Variants in NTM observed in about 807,000 individuals in gnomAD.
The protein encoded by NTM is neurotrimin.
Under a neutral mutation model 42.1 loss-of-function variants are expected in NTM, and 13 were observed. That is an observed-to-expected ratio of 0.31 (90% confidence interval 0.20 to 0.49). NTM has a LOEUF of 0.49. NTM is among the 20% of genes least tolerant of loss of function. The pLI is 0.99. For missense variants in NTM, 373 were observed against 452.8 expected, an observed-to-expected ratio of 0.82 and a Z score of 1.60; for synonymous variants, 187 against 179.2, an observed-to-expected ratio of 1.04 and a Z score of -0.35.
intron 3 of NTM, among the ~76,000 whole-genome samples, chr11:132,147,207 G>A (rs1443068501): frequency 7.0e-6 from 1 of 143,692 alleles, no homozygotes; most frequent in Non-Finnish European, 1.5e-5. Context: ...GTGTGTGTGT[G>A]TGTGTGTGAG....
intron 2 of NTM, among the ~76,000 whole-genome samples, chr11:132,068,043 T>C (rs1038507234): frequency 3.3e-5 from 5 of 152,190 alleles, no homozygotes; most frequent in African/African-American, 1.2e-4. Flanking sequence ...GATAATCTCA[T>C]CTTTCTTTCT....
chr11:131,916,470 C>T (rs781283342), intron 2 of NTM, among the ~76,000 whole-genome samples: 8 of 152,084 alleles, frequency 5.3e-5, no homozygotes, highest in African/African-American at 9.7e-5. Flanking sequence ...TTGTTTTTCC[C>T]GGGTGAGTTA....
chr11:132,210,496 C>A (rs1353239341), intron 3 of NTM, among the ~76,000 whole-genome samples: 1 of 152,130 alleles, frequency 6.6e-6, no homozygotes, highest in Admixed American at 6.5e-5. Context: ...AGCTCATGGC[C>A]TAGTGGGTGA....
intron 1 of NTM, among the ~76,000 whole-genome samples, chr11:131,598,875 T>C (rs367790738): frequency 0.026 from 897 of 34,836 alleles, 62 homozygotes; most frequent in South Asian, 0.059. Context: ...CTTCCTTCCT[T>C]CTTCCTTCCT....
intron 2 of NTM, among the ~76,000 whole-genome samples, chr11:131,991,269 G>T (rs529364060): frequency 2.0e-5 from 3 of 152,162 alleles, no homozygotes. Context: ...CCATAACCAT[G>T]CATCTCTTGC....
intron 1 of NTM, among the ~76,000 whole-genome samples, chr11:131,872,997 C>T (rs528019278): frequency 7.9e-5 from 12 of 152,158 alleles, no homozygotes; most frequent in Non-Finnish European, 1.6e-4. Flanking sequence ...CACATCCTCT[C>T]CAGCACCTGT....
intron 1 of NTM, among the ~76,000 whole-genome samples, chr11:131,883,527 A>G (rs930370548): frequency 6.6e-6 from 1 of 152,178 alleles, no homozygotes. Flanking sequence ...CCAGGTATAT[A>G]GCGCCATCAC....
chr11:131,562,431 T>TG (rs2056355327), intron 1 of NTM, among the ~76,000 whole-genome samples: 1 of 152,020 alleles, frequency 6.6e-6, no homozygotes, highest in African/African-American at 2.4e-5. Context: ...GGGGAGAGGG[T>TG]GGGGAATTCG....
At chr11:132,137,787 A>T (rs1267295192) in intron 2 of NTM, among the ~76,000 whole-genome samples, 1 of 151,224 alleles carries the variant, frequency 6.6e-6, no homozygotes, top group Non-Finnish European at 1.5e-5. Context: ...CCCAACCCCG[A>T]CTCCTGCCAC....
chr11:131,900,499 G>A (rs146836396), intron 1 of NTM, among the ~76,000 whole-genome samples: 7 of 152,322 alleles, frequency 4.6e-5, no homozygotes, highest in African/African-American at 1.7e-4. Flanking sequence ...AGCAGAAGGA[G>A]GACATCCACG....
intron 4 of NTM, among the ~76,000 whole-genome samples, chr11:132,296,159 G>T (rs1401075305): frequency 6.6e-6 from 1 of 152,180 alleles, no homozygotes; most frequent in Non-Finnish European, 1.5e-5. Flanking sequence ...AATTCAGCCT[G>T]CGGTGTCTGG....
intron 1 of NTM, among the ~76,000 whole-genome samples, chr11:131,375,458 G>A (rs1941834542): frequency 1.3e-5 from 2 of 152,234 alleles, no homozygotes; most frequent in Admixed American, 6.5e-5. Flanking sequence ...CAGTTTGGAA[G>A]GGTCAAAGGG....
intron 2 of NTM, among the ~76,000 whole-genome samples, chr11:132,096,018 C>G (rs970324425): frequency 2.0e-5 from 3 of 152,178 alleles, no homozygotes; most frequent in African/African-American, 7.2e-5. Flanking sequence ...TCTATCCCAA[C>G]CCCTCTGCCC....
rs547739735 is a variant in NTM at position 131,914,062 on chromosome 11, G to T, written c.167+2414G>T. Among the ~76,000 whole-genome samples the T allele has an allele frequency of 1.4e-4, 21 of 152,278 alleles. No individual in the cohort carries two copies. In the South Asian group the frequency reaches 4.4e-3, roughly 32 times the overall value. Reference sequence around the variant, plus strand: ...TGCCCTGCTGGGATGGACTTTGGTGGGGTGGAAGCCCCTGAACTCTCAAAC... The same window carrying T: ...TGCCCTGCTGGGATGGACTTTGGTGTGGTGGAAGCCCCTGAACTCTCAAAC... On this transcript the variant is annotated intron_variant, in intron 2 of 8. Coordinates refer to ENST00000683400, the MANE Select transcript of NTM (RefSeq NM_001352005.2).
chr11:132,024,334 G>A (rs2074850119), intron 2 of NTM, among the ~76,000 whole-genome samples: 1 of 152,122 alleles, frequency 6.6e-6, no homozygotes, highest in South Asian at 2.1e-4. Flanking sequence ...AGTATCTGAG[G>A]GGCACTGGTT....
intron 1 of NTM, among the ~76,000 whole-genome samples, chr11:131,705,216 A>G (rs1457511969): frequency 6.6e-6 from 1 of 152,242 alleles, no homozygotes; most frequent in African/African-American, 2.4e-5. Flanking sequence ...AGAAAATTTC[A>G]GAAGCAGTAA....
chr11:132,132,549 AT>A (rs2067013999), intron 2 of NTM, among the ~76,000 whole-genome samples: 2 of 152,188 alleles, frequency 1.3e-5, no homozygotes, highest in Admixed American at 1.3e-4. Flanking sequence ...TACTTGGAAA[AT>A]AATAGGGAAG....
At chr11:132,309,879 A>G (rs1489792996) in intron 5 of NTM, among the ~76,000 whole-genome samples, 1 of 152,110 alleles carries the variant, frequency 6.6e-6, no homozygotes, top group African/African-American at 2.4e-5. Context: ...AACATGGTGA[A>G]ACCCCGTCGC....
intron 1 of NTM, among the ~76,000 whole-genome samples, chr11:131,904,544 G>A (rs57902787): frequency 0.019 from 2,904 of 152,264 alleles, 96 homozygotes; most frequent in African/African-American, 0.065. Context: ...TTCTTATCCA[G>A]TGATTTGTTT....
Sources: allele counts gnomAD v4.1 joint callset (sites outside exome capture counted in the v4.1 genomes callset), GRCh38; gene constraint gnomAD v4.1.1; transcripts MANE v1.5; gene names NCBI Gene and HGNC (gene_info 2026-07-23, HGNC 2026-07-21).